The following SHISA6 variants were observed in gnomAD, a reference collection of about 807,000 sequenced individuals.
SHISA6 encodes shisa family member 6.
SHISA6 carries 22 observed loss-of-function variants against 47.9 expected under a neutral mutation model. That is an observed-to-expected ratio of 0.46 (90% CI 0.33 to 0.66). The LOEUF is 0.66. Ranked by LOEUF, SHISA6 falls within the 30% of genes least tolerant of loss-of-function variation. The pLI is 0.02. For synonymous variants in SHISA6, 388 were observed against 337.8 expected, an observed-to-expected ratio of 1.15 and a Z score of -1.63; for missense variants, 680 against 764.6, an observed-to-expected ratio of 0.89 and a Z score of 1.30.
chr17:11,426,151 C>A (rs534112012), intron 3 of SHISA6, among the ~76,000 whole-genome samples: 2 of 152,260 alleles, frequency 1.3e-5, no homozygotes, highest in Admixed American at 6.5e-5. Context: ...ACATGAGTGA[C>A]CCTCCAAGAA....
At chr17:11,313,946 T>C (rs535866801) in intron 2 of SHISA6, among the ~76,000 whole-genome samples, 1 of 152,268 alleles carries the variant, frequency 6.6e-6, no homozygotes, top group African/African-American at 2.4e-5. Flanking sequence ...TATACTAATA[T>C]CTTTTACAAC....
chr17:11,261,034 G>A (rs557023488), intron 1 of SHISA6, among the ~76,000 whole-genome samples: 2 of 151,954 alleles, frequency 1.3e-5, no homozygotes, highest in South Asian at 4.2e-4. Flanking sequence ...GACCAGAATC[G>A]CACATTTCAG....
chr17:11,459,243 A>G (rs922094462), intron 3 of SHISA6, among the ~76,000 whole-genome samples: 1 of 150,820 alleles, frequency 6.6e-6, no homozygotes, highest in Non-Finnish European at 1.5e-5. Context: ...AAAAGACATT[A>G]TGAATACAAG....
intron 3 of SHISA6, among the ~76,000 whole-genome samples, chr17:11,472,988 C>T (rs1915967503): frequency 6.6e-6 from 1 of 152,102 alleles, no homozygotes; most frequent in Admixed American, 6.5e-5. Context: ...GTCTTTAGCC[C>T]ATTTTAAAAA....
At chr17:11,429,162 T>C (rs1469107545) in intron 3 of SHISA6, among the ~76,000 whole-genome samples, 1 of 152,116 alleles carries the variant, frequency 6.6e-6, no homozygotes, top group Non-Finnish European at 1.5e-5. Context: ...GGACTGAGGA[T>C]CTCAGTTCCT....
chr17:11,417,342 T>TG (rs1278590692), intron 3 of SHISA6, among the ~76,000 whole-genome samples: 1 of 152,040 alleles, frequency 6.6e-6, no homozygotes, highest in Non-Finnish European at 1.5e-5. Flanking sequence ...AAGAAGTAAA[T>TG]GGATCCATTA....
At position 11,350,182 on chromosome 17, in the gene SHISA6, ATTTTTTTTTTT is replaced by A. The variant is rs778331945; in HGVS notation, c.800-29227_800-29217del. On this transcript the variant is annotated intron_variant, in intron 2 of 5. Transcript: ENST00000441885. The stretch of plus-strand genomic sequence containing the variant: ...AATTTATTTATTTATTTATTTATTT[ATTTTTTTTTTT>A]TTTTGAGACGGAGTCTCGCTCTGTC... Among the ~76,000 whole-genome samples the A allele has an allele frequency of 9.5e-5, 11 of 116,264 alleles. 1 individual carries two copies. Among genetic ancestry groups the A allele is most frequent in the South Asian group, 8.8e-4 (3 of 3,400 alleles). 76.3% of individuals were successfully genotyped at this position (116,264 alleles called of 152,430 possible).
At chr17:11,373,675 C>T (rs1423453127) in intron 2 of SHISA6, among the ~76,000 whole-genome samples, 1 of 152,134 alleles carries the variant, frequency 6.6e-6, no homozygotes, top group Non-Finnish European at 1.5e-5. Flanking sequence ...TTGCTTTGTG[C>T]ATTCATCATT....
At chr17:11,269,571 TG>T (rs1321723864) in intron 2 of SHISA6, among the ~76,000 whole-genome samples, 1 of 152,220 alleles carries the variant, frequency 6.6e-6, no homozygotes, top group East Asian at 1.9e-4. Flanking sequence ...GGTTTAGGGC[TG>T]CCCATGAAGC....
chr17:11,494,061 T>C (rs1393399957), intron 3 of SHISA6, among the ~76,000 whole-genome samples: 1 of 152,088 alleles, frequency 6.6e-6, no homozygotes, highest in East Asian at 1.9e-4. Context: ...CTCATTCACA[T>C]TGTTATTTGA....
At chr17:11,371,369 C>T (rs1912625530) in intron 2 of SHISA6, among the ~76,000 whole-genome samples, 1 of 152,132 alleles carries the variant, frequency 6.6e-6, no homozygotes, top group African/African-American at 2.4e-5. Context: ...CCCGGGCTCT[C>T]TCCAGCTCCC....
intron 2 of SHISA6, among the ~76,000 whole-genome samples, chr17:11,343,166 A>G (rs1453042279): frequency 1.3e-5 from 2 of 152,186 alleles, no homozygotes; most frequent in Non-Finnish European, 2.9e-5. Context: ...TTTATTTAGG[A>G]TAGTAACTGA....
chr17:11,446,994 CTG>C (rs1915256792), intron 3 of SHISA6, among the ~76,000 whole-genome samples: 1 of 152,196 alleles, frequency 6.6e-6, no homozygotes, highest in African/African-American at 2.4e-5. Flanking sequence ...AACCTTCTCT[CTG>C]TGGTTTTCCT....
intron 2 of SHISA6, among the ~76,000 whole-genome samples, chr17:11,364,020 AC>A (rs1912369241): frequency 6.6e-6 from 1 of 152,146 alleles, no homozygotes; most frequent in Non-Finnish European, 1.5e-5. Flanking sequence ...GTTTCCTTCT[AC>A]CACCAGCTTG....
chr17:11,462,283 T>C (rs1915711635), intron 3 of SHISA6, among the ~76,000 whole-genome samples: 1 of 152,180 alleles, frequency 6.6e-6, no homozygotes, highest in Non-Finnish European at 1.5e-5. Flanking sequence ...ATGCCATGCA[T>C]TCTAAGGCTA....
chr17:11,530,198 G>T (rs1438219889), intron 3 of SHISA6, among the ~76,000 whole-genome samples: 1 of 152,048 alleles, frequency 6.6e-6, no homozygotes, highest in Non-Finnish European at 1.5e-5. Context: ...TGCCTGTTAC[G>T]AGCCTTATTG....
chr17:11,336,526 C>T (rs1325050665), intron 2 of SHISA6, among the ~76,000 whole-genome samples: 2 of 152,132 alleles, frequency 1.3e-5, no homozygotes, highest in East Asian at 3.9e-4. Flanking sequence ...TCACCTGCCG[C>T]CCCTGGCTGT....
intron 2 of SHISA6, among the ~76,000 whole-genome samples, chr17:11,307,129 TG>T (rs1285947413): frequency 3.0e-4 from 41 of 137,142 alleles, no homozygotes; most frequent in African/African-American, 1.0e-3. Context: ...TATTTATTTT[TG>T]TTTGTTTGTT....
chr17:11,405,196 C>T (rs914596005), intron 3 of SHISA6, among the ~76,000 whole-genome samples: 3 of 152,156 alleles, frequency 2.0e-5, no homozygotes, highest in Non-Finnish European at 4.4e-5. Flanking sequence ...CAACTGTGAT[C>T]AGTGCTTCTG....
Sources: allele counts gnomAD v4.1 joint callset (sites outside exome capture counted in the v4.1 genomes callset), GRCh38; gene constraint gnomAD v4.1.1; transcripts MANE v1.5; gene names NCBI Gene and HGNC (gene_info 2026-07-23, HGNC 2026-07-21).